VAV3: variants seen among roughly 807,000 people sequenced by gnomAD.
VAV3 encodes guanine nucleotide exchange factor VAV3.
VAV3 carries 94 observed loss-of-function variants against 131.2 expected under a neutral mutation model. The observed-to-expected ratio is 0.72, with a 90% CI of 0.61 to 0.85. The LOEUF is 0.85. Ranked by LOEUF, VAV3 falls within the 40% of genes least tolerant of loss-of-function variation. The pLI, the probability that VAV3 is intolerant of heterozygous loss-of-function variation, is 0.00. For synonymous variants in VAV3, 349 were observed against 342.0 expected (o/e 1.02, Z -0.22); for missense variants, 939 against 1,002.7 (o/e 0.94, Z 0.86).
rs138587338 is a variant in VAV3 at position 107,617,147 on chromosome 1, T to C, written c.1980+420A>G. Among the ~76,000 whole-genome samples the C allele has an allele frequency of 3.0e-3, 459 of 152,324 alleles. 2 individuals carry two copies. The highest frequency in any genetic ancestry group is 0.01 in the African/African-American group (433 of 41,574). On this transcript the variant is annotated intron_variant, in intron 21 of 26. Transcript: ENST00000370056. ...TAGAAAATATATTTAGACATTTGAT[T>C]GAAAAATTTGTGGACTTTTCATTTT...
chr1:107,602,094 G>C (rs962965810), intron 24 of VAV3, among the ~76,000 whole-genome samples: 2 of 151,976 alleles, frequency 1.3e-5, no homozygotes, highest in Non-Finnish European at 2.9e-5. Context: ...TCAGGACATA[G>C]AGGCAAAGGA....
At chr1:107,834,045 T>C (rs1668371108) in intron 2 of VAV3, among the ~76,000 whole-genome samples, 2 of 152,192 alleles carry the variant, frequency 1.3e-5, no homozygotes, top group South Asian at 4.1e-4. Context: ...CTTTAAGATA[T>C]TTAGAAACTA....
At chr1:107,760,912 G>T (rs1439129439) in intron 9 of VAV3, 33 bp from the exon 10 acceptor site, 1 of 1,528,640 alleles carries the variant, frequency 6.5e-7, no homozygotes, top group Non-Finnish European at 9.0e-7. Flanking sequence ...CTTTGTTAGG[G>T]AGTCATAAAC....
At chr1:107,707,056 A>C (rs1222498841) in intron 15 of VAV3, among the ~76,000 whole-genome samples, 1 of 152,202 alleles carries the variant, frequency 6.6e-6, no homozygotes, top group Non-Finnish European at 1.5e-5. Flanking sequence ...CAAAGCCACT[A>C]AGATGTTTTA....
intron 2 of VAV3, among the ~76,000 whole-genome samples, chr1:107,822,672 AT>A (rs1265874201): frequency 6.6e-6 from 1 of 151,116 alleles, no homozygotes; most frequent in African/African-American, 2.4e-5. Flanking sequence ...AAATAAATAA[AT>A]AAATAAATAA....
At chr1:107,669,092 G>A (rs1657603050) in intron 19 of VAV3, 1 of 1,083,660 alleles carries the variant, frequency 9.2e-7, no homozygotes, top group African/African-American at 1.7e-5. Flanking sequence ...AAAGAAAAAT[G>A]AGTTATGCCG....
At chr1:107,630,383 G>C (rs1654376955) in intron 20 of VAV3, among the ~76,000 whole-genome samples, 1 of 85,538 alleles carries the variant, frequency 1.2e-5, no homozygotes, top group Admixed American at 1.2e-4. Flanking sequence ...GGATGGATAG[G>C]AGCCACTATT....
At chr1:107,597,987 C>T (rs1651526453) in intron 24 of VAV3, among the ~76,000 whole-genome samples, 1 of 152,170 alleles carries the variant, frequency 6.6e-6, no homozygotes, top group South Asian at 2.1e-4. Context: ...AGTCACATAG[C>T]TAGCGCCTTT....
intron 15 of VAV3, among the ~76,000 whole-genome samples, chr1:107,732,460 A>G (rs1265547205): frequency 6.6e-6 from 1 of 152,164 alleles, no homozygotes; most frequent in African/African-American, 2.4e-5. Flanking sequence ...TTTCCTAGCC[A>G]AGGGAAGCCG....
chr1:107,867,736 C>A (rs529838139), intron 2 of VAV3, among the ~76,000 whole-genome samples: 1 of 152,262 alleles, frequency 6.6e-6, no homozygotes, highest in African/African-American at 2.4e-5. Context: ...CCTTGCCAGG[C>A]TGAGCCAGCT....
chr1:107,800,717 G>T (rs1666788706), intron 2 of VAV3, among the ~76,000 whole-genome samples: 1 of 152,080 alleles, frequency 6.6e-6, no homozygotes, highest in African/African-American at 2.4e-5. Context: ...TATTCTGGTT[G>T]TTAATCTCTT....
intron 5 of VAV3, 137 bp downstream of exon 5, chr1:107,772,598 T>G: frequency 1.5e-6 from 1 of 655,334 alleles, no homozygotes; most frequent in Admixed American, 3.2e-5. Context: ...CCAAATGCAG[T>G]AACAAGTCAT....
Position 107,964,851 on chromosome 1 carries a change from A to G in VAV3, c.19T>C (p.Cys7Arg). 1.2e-6 allele frequency: 2 copies of G among 1,608,076 alleles called. No homozygotes were observed. Among genetic ancestry groups the G allele is most frequent in the Non-Finnish European group, 1.7e-6 (2 of 1,177,306 alleles). MEPWKQ[C>R]AQWLIHCKVL... ...TTGCAATGGATGAGCCACTGCGCGCACTGCTTCCACGGCTCCATGCCCGAC... is the reference window on the plus strand; with the variant it reads ...TTGCAATGGATGAGCCACTGCGCGCGCTGCTTCCACGGCTCCATGCCCGAC... The change falls in exon 1 of 27, where the codon TGC (cysteine) becomes CGC (arginine). Residue 7 changes from cysteine to arginine, a missense_variant. Transcript: ENST00000370056.
chr1:107,785,666 T>TG, intron 2 of VAV3: 1 of 1,113,496 alleles, frequency 9.0e-7, no homozygotes, highest in Non-Finnish European at 1.1e-6. Flanking sequence ...GAGAAAAACT[T>TG]GGGCCCCAGA....
At chr1:107,671,372 G>A (rs1406706080) in intron 19 of VAV3, among the ~76,000 whole-genome samples, 1 of 152,166 alleles carries the variant, frequency 6.6e-6, no homozygotes, top group Non-Finnish European at 1.5e-5. Context: ...GCTTACAACC[G>A]ACTTCTCCAA....
intron 1 of VAV3, among the ~76,000 whole-genome samples, chr1:107,916,471 T>C (rs566685468): frequency 2.3e-4 from 35 of 152,232 alleles, no homozygotes; most frequent in Non-Finnish European, 4.1e-4. Flanking sequence ...TGTGACCCTC[T>C]AAAGTTAACT....
chr1:107,586,312 G>C (rs929150877), intron 25 of VAV3, among the ~76,000 whole-genome samples: 1 of 152,088 alleles, frequency 6.6e-6, no homozygotes, highest in Admixed American at 6.5e-5. Flanking sequence ...CCCTGAAGTA[G>C]GCTCTCAATT....
At chr1:107,822,747 T>C (rs1398748323) in intron 2 of VAV3, among the ~76,000 whole-genome samples, 2 of 152,102 alleles carry the variant, frequency 1.3e-5, no homozygotes, top group Non-Finnish European at 2.9e-5. Context: ...GTTACTGTAA[T>C]AGTCCAGGCA....
intron 19 of VAV3, among the ~76,000 whole-genome samples, chr1:107,657,094 A>C (rs576553837): frequency 1.3e-5 from 2 of 151,920 alleles, no homozygotes; most frequent in Non-Finnish European, 2.9e-5. Context: ...AGCTGGGATT[A>C]CGGGCATGCA....
Sources: allele counts gnomAD v4.1 joint callset (sites outside exome capture counted in the v4.1 genomes callset), GRCh38; gene constraint gnomAD v4.1.1; transcripts MANE v1.5; gene names NCBI Gene and HGNC (gene_info 2026-07-23, HGNC 2026-07-21).